The following ESR1 variants were observed in gnomAD, a reference collection of about 807,000 sequenced individuals.
ESR1 encodes the protein estrogen receptor.
Under a neutral mutation model 52.7 loss-of-function variants are expected in ESR1, and 12 were observed. The observed-to-expected ratio is 0.23, with a 90% CI of 0.15 to 0.37. The LOEUF (loss-of-function observed/expected upper bound fraction) is 0.37, where lower values mean the gene tolerates loss of function less well. ESR1 is among the 10% of genes least tolerant of loss of function. The probability of loss-of-function intolerance (pLI) is 1.00; values close to 1 mark genes in which losing one functional copy is unlikely to be tolerated. For synonymous variants in ESR1, 305 were observed against 316.8 expected (o/e 0.96, Z 0.39); for missense variants, 584 against 779.7 (o/e 0.75, Z 2.99).
At chr6:151,925,131 T>TGTTTGTTTTTTC (rs936096172) in intron 3 of ESR1, among the ~76,000 whole-genome samples, 1 of 144,776 alleles carries the variant, frequency 6.9e-6, no homozygotes, top group Non-Finnish European at 1.5e-5. Context: ...TGGTTTTTTT[T>TGTTTGTTTTTTC]GTTTGTTTGT....
At chr6:151,749,391 C>T (rs916590081) in intron 2 of ESR1, among the ~76,000 whole-genome samples, 1 of 152,172 alleles carries the variant, frequency 6.6e-6, no homozygotes, top group African/African-American at 2.4e-5. Flanking sequence ...GCAAATCCAT[C>T]ATCTCAAACA....
At chr6:151,924,187 C>A (rs960305126) in intron 3 of ESR1, among the ~76,000 whole-genome samples, 1 of 152,032 alleles carries the variant, frequency 6.6e-6, no homozygotes, top group Non-Finnish European at 1.5e-5. Flanking sequence ...GGATTACAGG[C>A]GCCTGCCACC....
At chr6:151,687,998 ATTG>A (rs1778756124), upstream of ESR1, among the ~76,000 whole-genome samples, 1 of 152,152 alleles carries the variant, frequency 6.6e-6, no homozygotes, top group Admixed American at 6.6e-5. Flanking sequence ...CTTCATTTAA[ATTG>A]TTGTTTTCTT....
chr6:151,933,189 C>T (rs965929981), intron 3 of ESR1, among the ~76,000 whole-genome samples: 4 of 150,864 alleles, frequency 2.7e-5, no homozygotes, highest in Non-Finnish European at 5.9e-5. Flanking sequence ...AAGTTGTATT[C>T]CTAGGTATTT....
At chr6:151,871,366 T>C (rs764182045) in intron 2 of ESR1, among the ~76,000 whole-genome samples, 5 of 152,170 alleles carry the variant, frequency 3.3e-5, no homozygotes, top group Admixed American at 1.3e-4. Flanking sequence ...AACCGGAACT[T>C]TTCATCCTCC....
chr6:151,984,448 T>A (rs2040264519), intron 4 of ESR1, among the ~76,000 whole-genome samples: 1 of 152,136 alleles, frequency 6.6e-6, no homozygotes, highest in Non-Finnish European at 1.5e-5. Flanking sequence ...GTAATCAATG[T>A]TGGGACTTGA....
intron 5 of ESR1, among the ~76,000 whole-genome samples, chr6:152,047,811 G>C (rs1224125561): frequency 6.6e-6 from 1 of 152,062 alleles, no homozygotes; most frequent in African/African-American, 2.4e-5. Flanking sequence ...CTCTGATGTC[G>C]CTTGGCCGGG....
chr6:152,039,911 C>T (rs138268739), intron 5 of ESR1, among the ~76,000 whole-genome samples: 45 of 152,232 alleles, frequency 3.0e-4, no homozygotes, highest in African/African-American at 1.0e-3. Flanking sequence ...AAAGTGAGTG[C>T]CTTGTTCAGA....
intron 6 of ESR1, among the ~76,000 whole-genome samples, chr6:152,073,371 A>G (rs2048494387): frequency 6.6e-6 from 1 of 152,202 alleles, no homozygotes; most frequent in Admixed American, 6.5e-5. Flanking sequence ...AAATTACGAA[A>G]GTAATGCATG....
At chr6:151,757,693 T>C (rs1273385750) in intron 2 of ESR1, among the ~76,000 whole-genome samples, 1 of 152,196 alleles carries the variant, frequency 6.6e-6, no homozygotes, top group Non-Finnish European at 1.5e-5. Context: ...GTTTGTGCTT[T>C]TGCAAATGTG....
intron 4 of ESR1, among the ~76,000 whole-genome samples, chr6:152,007,741 A>G (rs2042441953): frequency 6.6e-6 from 1 of 152,046 alleles, no homozygotes; most frequent in Non-Finnish European, 1.5e-5. Context: ...TGTCATTGAG[A>G]TGGAGGTCCT....
chr6:151,993,320 C>T lies in ESR1; in HGVS notation c.1097-18336C>T, dbSNP rs575967768. 8.5e-5 allele frequency among the ~76,000 whole-genome samples: 13 copies of T among 152,272 alleles called. No individual in the cohort carries two copies. The South Asian group carries it at 1.0e-3, about 12-fold the overall frequency. ...ACATACTGTCCAATGAGACACCCAACGCCTTTGCATTACAGCCAGCAAGGT... is the reference window on the plus strand; with the variant it reads ...ACATACTGTCCAATGAGACACCCAATGCCTTTGCATTACAGCCAGCAAGGT... On this transcript the variant is annotated intron_variant, in intron 4 of 7. Transcript: ENST00000206249.
chr6:151,785,539 G>A (rs577214581), intron 2 of ESR1, among the ~76,000 whole-genome samples: 1 of 152,316 alleles, frequency 6.6e-6, no homozygotes, highest in African/African-American at 2.4e-5. Context: ...GGGGCTGGCA[G>A]CTTTTCTGGG....
chr6:152,125,381 C>T, exon 7 of ESR1: 1 of 1,540,812 alleles, frequency 6.5e-7, no homozygotes, highest in South Asian at 1.2e-5. Flanking sequence ...CAGTATCCTG[C>T]AGATCATCAA....
At position 151,862,525 on chromosome 6, in the gene ESR1, G is replaced by A. The variant is rs115244242; in HGVS notation, c.644-18130G>A. ...TAGCATGAAGGTTAAGGACAATTCC[G>A]TCCTCTTATTTGGAGAGGAGACCAA... On this transcript the variant is annotated intron_variant, in intron 2 of 7. Transcript: ENST00000206249. 4.4e-3 allele frequency among the ~76,000 whole-genome samples: 671 copies of A among 152,252 alleles called. 3 individuals carry two copies. Among genetic ancestry groups the A allele is most frequent in the African/African-American group, 0.014 (570 of 41,556 alleles).
chr6:152,044,065 T>C (rs1029560401), intron 5 of ESR1, among the ~76,000 whole-genome samples: 6 of 152,174 alleles, frequency 3.9e-5, no homozygotes, highest in Non-Finnish European at 8.8e-5. Flanking sequence ...TTCATCACTT[T>C]GATTAGTGAA....
chr6:151,716,664 T>C (rs1453765671), intron 2 of ESR1, among the ~76,000 whole-genome samples: 1 of 152,152 alleles, frequency 6.6e-6, no homozygotes, highest in Non-Finnish European at 1.5e-5. Context: ...GCCTCAGTAA[T>C]GGCGGATGCC....
At chr6:151,799,656 T>C (rs557252994), upstream of ESR1, among the ~76,000 whole-genome samples, 11 of 152,218 alleles carry the variant, frequency 7.2e-5, no homozygotes, top group African/African-American at 2.2e-4. Context: ...GAGAGACAAA[T>C]AGGAAATCCA....
intron 1 of ESR1, among the ~76,000 whole-genome samples, chr6:151,657,977 C>A (rs1443243087): frequency 6.6e-6 from 1 of 152,096 alleles, no homozygotes; most frequent in African/African-American, 2.4e-5. Context: ...CATCTAAGTG[C>A]ATCCCAAAAA....
Sources: allele counts gnomAD v4.1 joint callset (sites outside exome capture counted in the v4.1 genomes callset), GRCh38; gene constraint gnomAD v4.1.1; transcripts MANE v1.5; gene names NCBI Gene and HGNC (gene_info 2026-07-23, HGNC 2026-07-21).